Variants in EFCAB5 observed in about 807,000 individuals in gnomAD.
The protein encoded by EFCAB5 is EF-hand calcium-binding domain-containing protein 5.
In EFCAB5, 131 loss-of-function variants were observed where a neutral mutation model predicts 167.9. The ratio of observed to expected loss-of-function variants is 0.78; its 90% confidence interval spans 0.68 to 0.90. The LOEUF (loss-of-function observed/expected upper bound fraction) is 0.90. Ranked by LOEUF, EFCAB5 falls within the 40% of genes least tolerant of loss-of-function variation. EFCAB5 has a pLI of 0.00. For missense variants in EFCAB5, 1,663 were observed against 1,745.2 expected (o/e 0.95, Z 0.84); for synonymous variants, 574 against 602.8 (o/e 0.95, Z 0.70).
At chr17:30,023,899 TCCAGC>T (rs2069247181) in intron 7 of EFCAB5, among the ~76,000 whole-genome samples, 1 of 152,114 alleles carries the variant, frequency 6.6e-6, no homozygotes, top group East Asian at 1.9e-4. Context: ...ATAAATGTAA[TCCAGC>T]ATATAAACAG....
At chr17:29,944,617 G>GTTTTTTTTTTTTTTTTTTT (rs1223652580) in intron 3 of EFCAB5, among the ~76,000 whole-genome samples, 1 of 139,460 alleles carries the variant, frequency 7.2e-6, no homozygotes, top group Admixed American at 7.1e-5. Flanking sequence ...GTTGTTTTCT[G>GTTTTTTTTTTTTTTTTTTT]TTTTGTTTTG....
intron 4 of EFCAB5, among the ~76,000 whole-genome samples, chr17:29,972,078 C>T (rs951716398): frequency 2.5e-4 from 38 of 152,014 alleles, no homozygotes; most frequent in African/African-American, 8.9e-4. Flanking sequence ...CGCTCTGTCG[C>T]CCAGGCTGGA....
intron 14 of EFCAB5, among the ~76,000 whole-genome samples, chr17:30,074,913 T>C (rs2070838641): frequency 6.6e-6 from 1 of 152,076 alleles, no homozygotes; most frequent in Non-Finnish European, 1.5e-5. Context: ...CTCTCTCAGA[T>C]TTCTCAGTGG....
chr17:29,961,583 T>C (rs2067720818), intron 3 of EFCAB5, among the ~76,000 whole-genome samples: 1 of 152,096 alleles, frequency 6.6e-6, no homozygotes, highest in African/African-American at 2.4e-5. Flanking sequence ...AAGAGTTGTA[T>C]GGTTTTGTTT....
chr17:30,008,649 C>G (rs1351699968), intron 7 of EFCAB5, among the ~76,000 whole-genome samples: 3 of 151,698 alleles, frequency 2.0e-5, no homozygotes, highest in Non-Finnish European at 4.4e-5. Context: ...ATAGGACTCT[C>G]TTAAGCTTTA....
intron 8 of EFCAB5, 81 bp from the exon 9 acceptor site, chr17:30,051,037 G>C: frequency 9.1e-7 from 1 of 1,100,636 alleles, no homozygotes; most frequent in Non-Finnish European, 1.4e-6. Context: ...GATGATAAAA[G>C]CTTCAATAAG....
intron 8 of EFCAB5, among the ~76,000 whole-genome samples, chr17:30,049,841 C>T (rs979579647): frequency 3.9e-5 from 6 of 152,170 alleles, no homozygotes; most frequent in Non-Finnish European, 8.8e-5. Context: ...ATACATTATG[C>T]AATCCAGTAA....
chr17:30,069,373 G>GAC, intron 14 of EFCAB5: 1 of 1,557,366 alleles, frequency 6.4e-7, no homozygotes, highest in Non-Finnish European at 8.9e-7. Flanking sequence ...TGAACAGCTT[G>GAC]TTTGATGAAG....
At chr17:29,936,686 G>T (rs956021572), upstream of EFCAB5, among the ~76,000 whole-genome samples, 1 of 152,180 alleles carries the variant, frequency 6.6e-6, no homozygotes, top group Non-Finnish European at 1.5e-5. Context: ...TGATTGATAG[G>T]GAAATTGATG....
In EFCAB5 at chr17:30,054,135, AG is replaced by A; in HGVS notation, c.2182del (p.Asp728IlefsTer24). 6.4e-7 allele frequency: 1 copy of A among 1,550,798 alleles called. No homozygotes were observed. Among genetic ancestry groups the A allele is most frequent in the Non-Finnish European group, 8.7e-7 (1 of 1,150,154 alleles). On this transcript the variant is annotated frameshift_variant, in exon 10 of 23. Transcript: ENST00000394835. LOFTEE classifies it high-confidence loss of function. ...AGGAAGTTCCAACCTTAAGCAGAAAAGATCACTTTCCAGGTAGTAATGCAGT... is the reference window on the plus strand; with the variant it reads ...AGGAAGTTCCAACCTTAAGCAGAAAAATCACTTTCCAGGTAGTAATGCAGT... ...QEEVPTLSRK[D>X]HFPETTKKEV...
Position 30,080,796 on chromosome 17 carries a change from G to C in EFCAB5, c.3241G>C (p.Val1081Leu), listed in dbSNP as rs1197002809. Residue 1081 changes from valine (V) to leucine (L), a missense_variant, in exon 17 of 23, where the codon GTT (valine) becomes CTT (leucine). Physicochemically the swap from Val to Leu is conservative, Grantham distance 32. Transcript: ENST00000394835. ...DEGKPIHVPQVQYHGNIFFWN... is the reference protein window; with the variant it reads ...DEGKPIHVPQLQYHGNIFFWN... Reference sequence around the variant, plus strand: ...AGGGAAGCCAATCCATGTTCCCCAAGTTCAGTACCATGGGAACATCTTCTT... The same window carrying C: ...AGGGAAGCCAATCCATGTTCCCCAACTTCAGTACCATGGGAACATCTTCTT... 6.2e-7 allele frequency: 1 copy of C among 1,611,934 alleles called. No homozygotes were observed. Among genetic ancestry groups the C allele is most frequent in the Non-Finnish European group, 8.5e-7 (1 of 1,179,140 alleles).
chr17:30,035,419 G>A (rs1162408426), intron 8 of EFCAB5, among the ~76,000 whole-genome samples: 1 of 152,154 alleles, frequency 6.6e-6, no homozygotes, highest in Non-Finnish European at 1.5e-5. Flanking sequence ...TGCTGATATT[G>A]AAAGTGCAGG....
intron 7 of EFCAB5, among the ~76,000 whole-genome samples, chr17:30,019,399 T>C (rs922910598): frequency 1.3e-5 from 2 of 152,016 alleles, no homozygotes; most frequent in Non-Finnish European, 2.9e-5. Context: ...ATATAATGAA[T>C]TAGATCAACA....
At chr17:29,991,049 CATT>C (rs934552886) in intron 4 of EFCAB5, among the ~76,000 whole-genome samples, 8 of 152,330 alleles carry the variant, frequency 5.3e-5, no homozygotes, top group Admixed American at 3.9e-4. Context: ...CCTTCCTCCT[CATT>C]ATCAGTGTGA....
At chr17:29,938,123 G>C (rs990373872), upstream of EFCAB5, among the ~76,000 whole-genome samples, 2 of 152,142 alleles carry the variant, frequency 1.3e-5, no homozygotes, top group Non-Finnish European at 2.9e-5. Flanking sequence ...CATACAGGCA[G>C]ACCTGGGAGA....
At chr17:29,982,102 A>G (rs2068188184) in intron 4 of EFCAB5, among the ~76,000 whole-genome samples, 1 of 152,224 alleles carries the variant, frequency 6.6e-6, no homozygotes, top group South Asian at 2.1e-4. Flanking sequence ...AATACTCATC[A>G]TGGGACTAAT....
At chr17:30,060,972 T>C (rs941501492) in intron 14 of EFCAB5, among the ~76,000 whole-genome samples, 10 of 152,174 alleles carry the variant, frequency 6.6e-5, no homozygotes, top group Admixed American at 5.9e-4. Context: ...TGAAGAATCC[T>C]AGAATTTAAG....
chr17:30,051,226 C>G lies in EFCAB5; in HGVS notation c.1300+9C>G. 1 of 1,612,760 alleles carries G rather than the reference C, an allele frequency of 6.2e-7. No individual in the cohort carries two copies. Among genetic ancestry groups the G allele is most frequent in the Non-Finnish European group, 8.5e-7 (1 of 1,178,880 alleles). ...TCGAAACCCACGACAATGTAAGTGC[C>G]GCTCAGAGGGAGTATGTTCAAGCTG... On this transcript the variant is annotated intron_variant, in intron 9 of 22. Transcript: ENST00000394835.
chr17:29,987,233 G>A (rs1183737696), intron 4 of EFCAB5, among the ~76,000 whole-genome samples: 3 of 152,102 alleles, frequency 2.0e-5, no homozygotes, highest in Non-Finnish European at 4.4e-5. Context: ...GGCTGTGTTC[G>A]ACAGGTGTTG....
Sources: gnomAD v4.1 joint callset for allele counts (sites outside exome capture counted in the v4.1 genomes callset) on GRCh38, gnomAD v4.1.1 for gene constraint, MANE v1.5 for transcripts, NCBI Gene and HGNC (gene_info 2026-07-23, HGNC 2026-07-21) for gene names.